Variants in CREB5 observed in about 807,000 individuals in gnomAD.
CREB5 encodes cyclic AMP-responsive element-binding protein 5.
In CREB5, 19 loss-of-function variants were observed where a neutral mutation model predicts 57.1. The observed-to-expected ratio is 0.33, with a 90% confidence interval of 0.23 to 0.49. The LOEUF is 0.49. CREB5 is among the 20% of genes least tolerant of loss of function. CREB5 has a pLI of 0.99. For synonymous variants in CREB5, 238 were observed against 238.3 expected (o/e 1.00, Z 0.01); for missense variants, 579 against 671.6 (o/e 0.86, Z 1.52).
chr7:28,759,570 T>C (rs1805530616), intron 7 of CREB5, among the ~76,000 whole-genome samples: 1 of 152,250 alleles, frequency 6.6e-6, no homozygotes, highest in South Asian at 2.1e-4. Context: ...CTATGTTCCT[T>C]AAATGAGGGC....
At chr7:28,552,533 T>A (rs1436673454) in intron 4 of CREB5, among the ~76,000 whole-genome samples, 1 of 152,154 alleles carries the variant, frequency 6.6e-6, no homozygotes, top group Non-Finnish European at 1.5e-5. Context: ...GCAAAATGCC[T>A]CCTGCTCATA....
At chr7:28,742,832 G>T (rs1249809170) in intron 7 of CREB5, among the ~76,000 whole-genome samples, 1 of 152,016 alleles carries the variant, frequency 6.6e-6, no homozygotes, top group Non-Finnish European at 1.5e-5. Flanking sequence ...GCCCAAGGTG[G>T]AGTGCAATGG....
chr7:28,764,668 T>C (rs1805858800), intron 7 of CREB5, among the ~76,000 whole-genome samples: 2 of 152,198 alleles, frequency 1.3e-5, no homozygotes, highest in South Asian at 4.1e-4. Context: ...AGCTACTATC[T>C]CCCTATGAGA....
At chr7:28,681,646 G>T (rs974755383) in intron 5 of CREB5, among the ~76,000 whole-genome samples, 2 of 152,162 alleles carry the variant, frequency 1.3e-5, no homozygotes, top group Non-Finnish European at 2.9e-5. Flanking sequence ...AAGAAGACAA[G>T]CATGAAGAGA....
intron 5 of CREB5, among the ~76,000 whole-genome samples, chr7:28,591,177 G>T (rs922452526): frequency 6.6e-6 from 1 of 152,190 alleles, no homozygotes; most frequent in African/African-American, 2.4e-5. Flanking sequence ...GTCTTAGCAA[G>T]GGAAGAGCAA....
upstream of CREB5, chr7:28,410,295 C>T (rs1787725087): frequency 2.2e-6 from 1 of 456,588 alleles, no homozygotes; most frequent in Non-Finnish European, 4.4e-6. Context: ...TTCTTGCTGG[C>T]ATCGTTACCT....
chr7:28,408,677 G>T (rs1321962528), upstream of CREB5, among the ~76,000 whole-genome samples: 1 of 152,154 alleles, frequency 6.6e-6, no homozygotes, highest in East Asian at 1.9e-4. Flanking sequence ...CTTCTCAGAC[G>T]CATGAAGCAG....
At chr7:28,399,297 A>G (rs1787399546) in intron 1 of CREB5, among the ~76,000 whole-genome samples, 1 of 152,126 alleles carries the variant, frequency 6.6e-6, no homozygotes, top group South Asian at 2.1e-4. Context: ...AAAAATCTAC[A>G]AAATAAGTGA....
intron 1 of CREB5, chr7:28,435,604 C>G (rs1342306111): frequency 1.0e-6 from 1 of 983,848 alleles, no homozygotes; most frequent in East Asian, 1.1e-4. Context: ...ATTTTCTTTG[C>G]AAAAGGCAAG....
chr7:28,715,182 G>A (rs896209272), intron 5 of CREB5, among the ~76,000 whole-genome samples: 1 of 152,184 alleles, frequency 6.6e-6, no homozygotes, highest in African/African-American at 2.4e-5. Context: ...AATGAACTGT[G>A]AATTTTTTAA....
At chr7:28,459,041 C>T (rs7802761) in intron 1 of CREB5, among the ~76,000 whole-genome samples, 205 of 152,300 alleles carry the variant, frequency 1.3e-3, no homozygotes, top group African/African-American at 4.1e-3. Context: ...CTGTCGCTTT[C>T]CCTGCCAAGA....
rs912433815 is a variant in CREB5 at position 28,825,480 on chromosome 7, A to G, written c.*6201A>G. 5 of 152,640 alleles carry G rather than the reference A, an allele frequency of 3.3e-5. No homozygotes were observed. The highest frequency in any genetic ancestry group is 7.4e-5 in the Non-Finnish European group (5 of 68,024). The allele number at this position is 152,640 out of a possible 1,614,324, so 9.5% of individuals were successfully genotyped here. ...GAATATAAATATTGTCCAAAAATAT[A>G]ATTAAAAGAAAAAAGTTTAGCACTG... is the stretch of plus-strand genomic sequence containing the variant. On this transcript the variant is annotated 3_prime_UTR_variant, in exon 11 of 11. Transcript: ENST00000357727.
At chr7:28,500,909 C>T (rs990572600) in intron 3 of CREB5, among the ~76,000 whole-genome samples, 2 of 152,000 alleles carry the variant, frequency 1.3e-5, no homozygotes, top group South Asian at 2.1e-4. Context: ...AACTTCCCAC[C>T]GTGTGTATTA....
At chr7:28,385,361 A>G (rs1357984991) in intron 1 of CREB5, among the ~76,000 whole-genome samples, 2 of 152,162 alleles carry the variant, frequency 1.3e-5, no homozygotes, top group Non-Finnish European at 2.9e-5. Context: ...TAAATTGTTC[A>G]ACTTTGAAGT....
intron 5 of CREB5, among the ~76,000 whole-genome samples, chr7:28,613,348 G>A (rs1797470434): frequency 6.6e-6 from 1 of 152,214 alleles, no homozygotes. Flanking sequence ...TGCCCCAGGT[G>A]CAGTGAAGGC....
At chr7:28,659,514 C>T (rs561036906) in intron 5 of CREB5, among the ~76,000 whole-genome samples, 2 of 152,312 alleles carry the variant, frequency 1.3e-5, no homozygotes, top group East Asian at 3.9e-4. Context: ...CCTAAACCAA[C>T]ATTATTGTTA....
intron 1 of CREB5, among the ~76,000 whole-genome samples, chr7:28,353,498 T>C (rs1786276877): frequency 6.6e-6 from 1 of 152,092 alleles, no homozygotes; most frequent in African/African-American, 2.4e-5. Context: ...GAAAAGTTTA[T>C]GTGCATACAT....
intron 3 of CREB5, among the ~76,000 whole-genome samples, chr7:28,497,583 A>T (rs1291211486): frequency 2.0e-5 from 3 of 152,172 alleles, no homozygotes; most frequent in Non-Finnish European, 4.4e-5. Context: ...ATGAAGTGCT[A>T]AATTTTAAAA....
chr7:28,631,045 A>G (rs1798182453), intron 5 of CREB5, among the ~76,000 whole-genome samples: 1 of 152,184 alleles, frequency 6.6e-6, no homozygotes, highest in South Asian at 2.1e-4. Flanking sequence ...CTGACCCCAG[A>G]GCACATGGCT....
Sources: allele counts gnomAD v4.1 joint callset (sites outside exome capture counted in the v4.1 genomes callset), GRCh38; gene constraint gnomAD v4.1.1; transcripts MANE v1.5; gene names NCBI Gene and HGNC (gene_info 2026-07-23, HGNC 2026-07-21).